The following PLD5 variants were observed in gnomAD, a reference collection of about 807,000 sequenced individuals.
The protein encoded by PLD5 is inactive phospholipase D5.
In PLD5, 36 loss-of-function variants were observed where a neutral mutation model predicts 61.1. That is an observed-to-expected ratio of 0.59 (90% CI 0.45 to 0.78). The LOEUF (loss-of-function observed/expected upper bound fraction) is 0.78, where lower values mean the gene tolerates loss of function less well. Among genes scored for constraint, PLD5 ranks in the 30% least tolerant of loss-of-function variants. The probability of loss-of-function intolerance (pLI) is 0.00; values close to 1 mark genes in which losing one functional copy is unlikely to be tolerated. For missense variants in PLD5, 515 were observed against 644.4 expected (o/e 0.80, Z 2.17); for synonymous variants, 243 against 242.8 (o/e 1.00, Z -0.01).
At chr1:242,132,059 G>T (rs1460765929) in intron 5 of PLD5, among the ~76,000 whole-genome samples, 1 of 151,780 alleles carries the variant, frequency 6.6e-6, no homozygotes, top group Admixed American at 6.6e-5. Flanking sequence ...TTGAACTCAT[G>T]ACCTCAGGTG....
upstream of PLD5, among the ~76,000 whole-genome samples, chr1:242,526,776 GC>G (rs1669457102): frequency 6.6e-6 from 1 of 152,084 alleles, no homozygotes; most frequent in African/African-American, 2.4e-5. Flanking sequence ...TTAAAGTTTA[GC>G]CTCCATAGCT....
chr1:242,465,884 G>A (rs547823322), intron 1 of PLD5, among the ~76,000 whole-genome samples: 1 of 152,258 alleles, frequency 6.6e-6, no homozygotes, highest in South Asian at 2.1e-4. Context: ...AGCCGAGATC[G>A]TGCCACTGCA....
chr1:242,510,338 A>G (rs762265649), intron 1 of PLD5, among the ~76,000 whole-genome samples: 1 of 152,188 alleles, frequency 6.6e-6, no homozygotes, highest in Non-Finnish European at 1.5e-5. Flanking sequence ...CTCATGCTGG[A>G]AAGAAAAGAA....
intron 2 of PLD5, among the ~76,000 whole-genome samples, chr1:242,302,360 A>G (rs1676104215): frequency 1.3e-5 from 2 of 152,148 alleles, no homozygotes; most frequent in South Asian, 4.2e-4. Context: ...CACCTCTCCA[A>G]AAATGTATTG....
chr1:242,091,220 C>T (rs957734820), intron 9 of PLD5, among the ~76,000 whole-genome samples: 3 of 152,150 alleles, frequency 2.0e-5, no homozygotes, highest in African/African-American at 7.2e-5. Context: ...AATAGAGTTA[C>T]ATTCTGAGGT....
chr1:242,096,553 G>A (rs1179464935), intron 9 of PLD5, among the ~76,000 whole-genome samples: 5 of 151,244 alleles, frequency 3.3e-5, no homozygotes, highest in Non-Finnish European at 5.9e-5. Context: ...TGTTGCCCAG[G>A]CTGGTCTTGA....
chr1:242,391,932 T>C (rs75358455), intron 1 of PLD5, among the ~76,000 whole-genome samples: 3,063 of 152,278 alleles, frequency 0.02, 116 homozygotes, highest in East Asian at 0.11. Flanking sequence ...AAAAGTAAAT[T>C]GTTCTGCCAA....
chr1:242,198,961 C>T (rs942444005), intron 5 of PLD5, among the ~76,000 whole-genome samples: 7 of 151,964 alleles, frequency 4.6e-5, no homozygotes, highest in Non-Finnish European at 8.8e-5. Flanking sequence ...CTCGGACTCC[C>T]GATCTCAGGT....
chr1:242,289,523 T>G (rs1043937734), intron 2 of PLD5, among the ~76,000 whole-genome samples: 3 of 152,138 alleles, frequency 2.0e-5, no homozygotes, highest in Non-Finnish European at 4.4e-5. Flanking sequence ...TAACTTTTTT[T>G]TGTGTTTTTC....
chr1:242,409,638 C>T (rs966356818), intron 1 of PLD5, among the ~76,000 whole-genome samples: 1 of 152,114 alleles, frequency 6.6e-6, no homozygotes, highest in Non-Finnish European at 1.5e-5. Flanking sequence ...GGCTCCAAAC[C>T]CCAGAGAGGA....
At chr1:242,169,532 A>AT (rs376759515) in intron 5 of PLD5, among the ~76,000 whole-genome samples, 5 of 151,760 alleles carry the variant, frequency 3.3e-5, no homozygotes, top group Non-Finnish European at 2.9e-5. Flanking sequence ...TAGCTGCAAG[A>AT]TTTTTTTTTC....
At chr1:242,438,267 T>A (rs1666098135) in intron 1 of PLD5, among the ~76,000 whole-genome samples, 1 of 149,774 alleles carries the variant, frequency 6.7e-6, no homozygotes, top group Non-Finnish European at 1.5e-5. Flanking sequence ...AAAAAAAATT[T>A]TTTTTTTTTT....
At chr1:242,388,080 G>C (rs1662704355) in intron 1 of PLD5, among the ~76,000 whole-genome samples, 2 of 152,206 alleles carry the variant, frequency 1.3e-5, no homozygotes, top group Admixed American at 1.3e-4. Context: ...TATTGTCACA[G>C]AGGTAGAAAG....
At chr1:242,445,665 C>T (rs139166629) in intron 1 of PLD5, among the ~76,000 whole-genome samples, 3 of 152,132 alleles carry the variant, frequency 2.0e-5, no homozygotes, top group Admixed American at 2.0e-4. Flanking sequence ...TTTCTGTTAT[C>T]CAGTCTGATG....
At position 242,454,326 on chromosome 1, in the gene PLD5, C is replaced by T. The variant is rs1267775999; in HGVS notation, c.189+69762G>A. 4.8e-5 allele frequency among the ~76,000 whole-genome samples: 6 copies of T among 125,710 alleles called. No homozygotes were observed. In the South Asian group the frequency reaches 7.2e-4, roughly 15 times the overall value. 82.5% of individuals were successfully genotyped at this position (125,710 alleles called of 152,430 possible). The stretch of plus-strand genomic sequence containing the variant: ...TAGCCTGGGCAACACAGCAAGACTC[C>T]GTGTCAAAAAAAAAAAAAAGGCAAA... On this transcript the variant is annotated intron_variant, in intron 1 of 9. Coordinates refer to ENST00000536534, the MANE Select transcript of PLD5 (RefSeq NM_001372062.1).
intron 2 of PLD5, among the ~76,000 whole-genome samples, chr1:242,336,589 A>T (rs1042425596): frequency 6.6e-6 from 1 of 152,244 alleles, no homozygotes; most frequent in Admixed American, 6.5e-5. Context: ...ATAAACATGC[A>T]CAATACAAAT....
intron 2 of PLD5, among the ~76,000 whole-genome samples, chr1:242,347,539 C>T (rs1660205519): frequency 6.6e-6 from 1 of 152,058 alleles, no homozygotes; most frequent in African/African-American, 2.4e-5. Flanking sequence ...GTCAGCAAGG[C>T]CCCCAGGAAA....
chr1:242,413,486 A>C (rs886686941), intron 1 of PLD5, among the ~76,000 whole-genome samples: 2 of 152,240 alleles, frequency 1.3e-5, no homozygotes, highest in South Asian at 4.1e-4. Context: ...AATGTTATAT[A>C]TAGAGATATA....
intron 9 of PLD5, among the ~76,000 whole-genome samples, chr1:242,096,253 C>T (rs1432625237): frequency 6.6e-6 from 1 of 152,162 alleles, no homozygotes; most frequent in Non-Finnish European, 1.5e-5. Flanking sequence ...CCACTGCACC[C>T]AGTCAATATT....
Sources: gnomAD v4.1 joint callset for allele counts (sites outside exome capture counted in the v4.1 genomes callset) on GRCh38, gnomAD v4.1.1 for gene constraint, MANE v1.5 for transcripts, NCBI Gene and HGNC (gene_info 2026-07-23, HGNC 2026-07-21) for gene names.